CFAP74: variants seen among roughly 807,000 people sequenced by gnomAD.
CFAP74 encodes the protein cilia- and flagella-associated protein 74.
CFAP74 carries 124 observed loss-of-function variants against 188.9 expected under a neutral mutation model. That is an observed-to-expected ratio of 0.66 (90% CI 0.57 to 0.76). The LOEUF (loss-of-function observed/expected upper bound fraction) is 0.76, where lower values mean the gene tolerates loss of function less well. Among genes scored for constraint, CFAP74 ranks in the 30% least tolerant of loss-of-function variants. The probability of loss-of-function intolerance (pLI) is 0.00; values close to 1 mark genes in which losing one functional copy is unlikely to be tolerated. For missense variants in CFAP74, 2,198 were observed against 2,165.2 expected, an observed-to-expected ratio of 1.02 and a Z score of -0.30; for synonymous variants, 956 against 916.7, an observed-to-expected ratio of 1.04 and a Z score of -0.77.
Position 2,002,418 on chromosome 1 carries a change from C to T in CFAP74, c.-20+1283G>A, listed in dbSNP as rs532158247. Among the ~76,000 whole-genome samples the T allele has an allele frequency of 2.6e-3, 387 of 150,730 alleles. 3 individuals carry two copies. The highest frequency in any genetic ancestry group is 4.4e-3 in the Non-Finnish European group (299 of 67,726). Reference sequence around the variant, plus strand: ...AAGTTGGCTGGGTGTGGTGGCTCACCGCCTGTAATTCCAGCACTTTGGGAG... The same window carrying T: ...AAGTTGGCTGGGTGTGGTGGCTCACTGCCTGTAATTCCAGCACTTTGGGAG... On this transcript the variant is annotated intron_variant, in intron 1 of 38. Coordinates refer to ENST00000682832, the MANE Select transcript of CFAP74 (RefSeq NM_001304360.2).
intron 6 of CFAP74, chr1:1,983,530 G>A (rs573741484): frequency 1.2e-4 from 19 of 152,400 alleles, no homozygotes; most frequent in Admixed American, 8.5e-4. Flanking sequence ...CAGAAGAACC[G>A]AGGCTCCTTC....
Position 1,956,635 on chromosome 1 carries a change from C to T in CFAP74, c.2001G>A (p.Gln667=). 6.2e-7 allele frequency: 1 copy of T among 1,614,184 alleles called. No homozygotes were observed. Among genetic ancestry groups the T allele is most frequent in the Non-Finnish European group, 8.5e-7 (1 of 1,180,036 alleles). Reference sequence around the variant, plus strand: ...GCACACTCACTAATTTCAGGGCAGACTGGGAGTCGTCCATCTCACAGGGCT... The same window carrying T: ...GCACACTCACTAATTTCAGGGCAGATTGGGAGTCGTCCATCTCACAGGGCT... ...ASEPCEMDDS[Q]SALKLSSLLT... The change falls in exon 17 of 39, where the codon CAG becomes CAA. Residue 667 remains glutamine, a synonymous_variant. Transcript: ENST00000682832.
At chr1:1,936,086 G>A (rs964669289) in intron 25 of CFAP74, among the ~76,000 whole-genome samples, 7 of 151,746 alleles carry the variant, frequency 4.6e-5, no homozygotes, top group Admixed American at 1.3e-4. Context: ...GCGTGGTGGC[G>A]TATGCCTGTA....
intron 5 of CFAP74, 92 bp from the exon 6 acceptor site, chr1:1,985,582 G>A (rs1019173529): frequency 5.8e-5 from 58 of 1,008,302 alleles, no homozygotes; most frequent in African/African-American, 2.9e-4. Context: ...GCCTCCTCTC[G>A]CTCAGGAGGG....
intron 17 of CFAP74, 56 bp downstream of exon 17, chr1:1,956,557 CACATGGG>C: frequency 6.3e-7 from 1 of 1,595,356 alleles, no homozygotes; most frequent in Non-Finnish European, 8.6e-7. Context: ...TCTGTTCACC[CACATGGG>C]ACTGGATTTG....
chr1:1,949,124 CT>C (rs796654813), intron 18 of CFAP74, among the ~76,000 whole-genome samples: 11 of 110,398 alleles, frequency 1.0e-4, no homozygotes, highest in East Asian at 8.2e-4. Context: ...CCTTTCTTCC[CT>C]TCCCTCCCTC....
chr1:1,948,155 G>A (rs556467628), intron 18 of CFAP74, among the ~76,000 whole-genome samples: 1 of 152,286 alleles, frequency 6.6e-6, no homozygotes, highest in Admixed American at 6.5e-5. Context: ...ACAGGCGTGA[G>A]CCACTGTGCC....
rs372176877 is a variant in CFAP74, at chr1:1,955,231, G to C, written c.2176+460C>G. On this transcript the variant is annotated intron_variant, in intron 18 of 38. Coordinates refer to ENST00000682832, the MANE Select transcript of CFAP74 (RefSeq NM_001304360.2). Reference sequence around the variant, plus strand: ...AAACGATCAAGAGAAGCAAGGAGGAGACGCAAGCGATTCCCGATGGCGGCG... The same window carrying C: ...AAACGATCAAGAGAAGCAAGGAGGACACGCAAGCGATTCCCGATGGCGGCG... 395 of 1,290,210 alleles carry C rather than the reference G, an allele frequency of 3.1e-4. 5 individuals are homozygous for C. The South Asian group carries it at 4.6e-3, about 15-fold the overall frequency. 79.9% of individuals were successfully genotyped at this position (1,290,210 alleles called of 1,614,324 possible).
chr1:1,948,591 C>CT (rs1374630448), intron 18 of CFAP74, among the ~76,000 whole-genome samples: 3 of 53,842 alleles, frequency 5.6e-5, no homozygotes, highest in Admixed American at 2.0e-4. Flanking sequence ...TTCCTTTCTT[C>CT]TTGTTTTTTT....
In CFAP74 at chr1:1,939,001, G is replaced by A; in HGVS notation, c.2878-13C>T. 2 of 1,535,478 alleles carry A rather than the reference G, an allele frequency of 1.3e-6. No homozygotes were observed. Among genetic ancestry groups the A allele is most frequent in the South Asian group, 1.2e-5 (1 of 84,042 alleles). On this transcript the variant is annotated splice_polypyrimidine_tract_variant and intron_variant, in intron 24 of 38. Transcript: ENST00000682832. ...GGACGTCCACAAACTGGAAATAGAA[G>A]AGTGCTCTGAGGGCATGTCACGGGG... is the stretch of plus-strand genomic sequence containing the variant.
chr1:1,979,786 T>C (rs1390703095), intron 6 of CFAP74, among the ~76,000 whole-genome samples: 1 of 109,326 alleles, frequency 9.1e-6, no homozygotes, highest in East Asian at 2.9e-4. Flanking sequence ...GACCTGGGTG[T>C]GGGAAGGCGT....
At chr1:1,944,505 A>T (rs1467968717) in intron 20 of CFAP74, 53 bp from the exon 21 acceptor site, 1 of 1,522,582 alleles carries the variant, frequency 6.6e-7, no homozygotes, top group Non-Finnish European at 8.8e-7. Context: ...CACAGCAGGC[A>T]TTGTTGGTGA....
chr1:1,970,937 ACATGCACACCTG>A lies in CFAP74; in HGVS notation c.889-133_889-122del, dbSNP rs1387316661. 6.4e-4 allele frequency: 768 copies of A among 1,205,846 alleles called. 3 individuals carry two copies. The African/African-American group carries it at 0.01, about 16-fold the overall frequency. The allele number at this position is 1,205,846 out of a possible 1,614,324, so 74.7% of individuals were successfully genotyped here. A position where few individuals can be genotyped will look rare whatever the true frequency, so the allele number is the denominator to read the frequency against. On this transcript the variant is annotated intron_variant, in intron 9 of 38. Transcript: ENST00000682832. The stretch of plus-strand genomic sequence containing the variant: ...CACACGTGCACACACGTGCACACAC[ACATGCACACCTG>A]CACATGCACACATCACACATGCACA...
chr1:1,931,855 G>A (rs368110861), intron 25 of CFAP74, among the ~76,000 whole-genome samples: 40 of 150,856 alleles, frequency 2.7e-4, no homozygotes, highest in African/African-American at 6.8e-4. Flanking sequence ...CTGAGGTCAG[G>A]AGTTCAAGAC....
chr1:1,938,758 T>G, intron 25 of CFAP74, 97 bp downstream of exon 25: 2 of 1,383,580 alleles, frequency 1.4e-6, no homozygotes, highest in Non-Finnish European at 1.9e-6. Context: ...GCCAGGCAGA[T>G]GGGGTCAGGG....
At chr1:1,941,252 C>G (rs1213291281) in intron 22 of CFAP74, among the ~76,000 whole-genome samples, 1 of 152,248 alleles carries the variant, frequency 6.6e-6, no homozygotes, top group Admixed American at 6.5e-5. Context: ...CTGTTCCCCT[C>G]CTAGTCCCAC....
chr1:1,942,105 G>A lies in CFAP74; in HGVS notation c.2538C>T (p.Ala846=). The A allele has an allele frequency of 6.5e-7, 1 of 1,532,250 alleles. No homozygotes were observed. The highest frequency in any genetic ancestry group is 8.7e-7 in the Non-Finnish European group (1 of 1,145,366). The allele number at this position is 1,532,250 out of a possible 1,614,324, so 94.9% of individuals were successfully genotyped here. The part of the protein sequence containing the change: ...LKFEVCKELR[A]HLELLPKTGY... Reference sequence around the variant, plus strand: ...CTGTCTTGGGCAGGAGCTCCAGGTGGGCCCTCAGCTCCTTGCACACCTCGA... The same window carrying A: ...CTGTCTTGGGCAGGAGCTCCAGGTGAGCCCTCAGCTCCTTGCACACCTCGA... The change falls in exon 22 of 39, where the codon GCC becomes GCT. Residue 846 remains alanine, a synonymous_variant. Coordinates refer to ENST00000682832, the MANE Select transcript of CFAP74 (RefSeq NM_001304360.2). The surrounding 1 kb of genome is among the most constrained non-coding windows in gnomAD (Gnocchi z 4.3).
At chr1:1,925,984 C>A in intron 32 of CFAP74, 46 bp from the exon 33 acceptor site, 2 of 1,528,298 alleles carry the variant, frequency 1.3e-6, no homozygotes, top group Middle Eastern at 3.5e-4. Context: ...TCTGCTGGAG[C>A]CACGAGGGGA....
At chr1:1,966,316 G>T in intron 12 of CFAP74, 55 bp downstream of exon 12, 1 of 1,414,266 alleles carries the variant, frequency 7.1e-7, no homozygotes, top group Non-Finnish European at 9.4e-7. Flanking sequence ...GTGGCGAGCC[G>T]GCGACAGAGG....
Sources: gnomAD v4.1 joint callset for allele counts (sites outside exome capture counted in the v4.1 genomes callset) on GRCh38, gnomAD v4.1.1 for gene constraint, Gnocchi (gnomAD v3.1) non-coding constraint, MANE v1.5 for transcripts, NCBI Gene and HGNC (gene_info 2026-07-23, HGNC 2026-07-21) for gene names.